Variants in PCDHA5 observed in about 807,000 individuals in gnomAD.
PCDHA5 encodes protocadherin alpha-5.
A neutral mutation model predicts 61.6 loss-of-function variants in PCDHA5; 43 were observed. The observed-to-expected ratio is 0.70, with a 90% confidence interval of 0.55 to 0.90. The LOEUF is 0.90. Among genes scored for constraint, PCDHA5 ranks in the 40% least tolerant of loss-of-function variants. The probability of loss-of-function intolerance (pLI) is 0.00; values close to 1 mark genes in which losing one functional copy is unlikely to be tolerated. For missense variants in PCDHA5, 1,298 were observed against 1,222.7 expected (o/e 1.06, Z -0.92); for synonymous variants, 627 against 543.9 (o/e 1.15, Z -2.13).
chr5:140,998,965 G>C (rs1320225650), intron 3 of PCDHA5, among the ~76,000 whole-genome samples: 1 of 152,232 alleles, frequency 6.6e-6, no homozygotes, highest in Non-Finnish European at 1.5e-5. Context: ...TAATCAAATA[G>C]TATCCTAGAA....
chr5:140,900,226 G>A (rs1048533279), intron 1 of PCDHA5, among the ~76,000 whole-genome samples: 18 of 152,090 alleles, frequency 1.2e-4, no homozygotes, highest in Admixed American at 1.1e-3. Flanking sequence ...GCAAATGACT[G>A]GATCTTGTTT....
chr5:140,850,664 C>T, intron 1 of PCDHA5: 1 of 1,598,396 alleles, frequency 6.3e-7, no homozygotes, highest in Non-Finnish European at 8.6e-7. Context: ...TGCTGCGGTG[C>T]TCGGCGATGC....
At chr5:140,857,289 G>C in intron 1 of PCDHA5, 2 of 1,598,692 alleles carry the variant, frequency 1.3e-6, no homozygotes, top group African/African-American at 1.3e-5. Flanking sequence ...GCTCTGGACC[G>C]CGAGAGGGTG....
At chr5:140,954,653 T>C (rs1467846481) in intron 1 of PCDHA5, among the ~76,000 whole-genome samples, 3 of 152,244 alleles carry the variant, frequency 2.0e-5, no homozygotes, top group Admixed American at 6.5e-5. Flanking sequence ...TTAAGTTCCT[T>C]GTAGACTCTG....
rs1171497178 is a variant in PCDHA5, at chr5:140,993,431, C to A, written c.2500+10868C>A. 2.7e-5 allele frequency among the ~76,000 whole-genome samples: 4 copies of A among 149,406 alleles called. No homozygotes were observed. The Admixed American group carries it at 2.7e-4, about 10-fold the overall frequency. On this transcript the variant is annotated intron_variant, in intron 3 of 3. Coordinates refer to ENST00000529859, the MANE Select transcript of PCDHA5 (RefSeq NM_018908.3). ...TCATCAGCATTTCTCTTTTAAAATC[C>A]TTATTCATTCCTGTTCTCCTTCTTT...
intron 1 of PCDHA5, chr5:140,929,567 A>G (rs566554100): frequency 7.2e-5 from 33 of 456,594 alleles, no homozygotes; most frequent in Admixed American, 1.2e-4. Flanking sequence ...ATTTAAGAAC[A>G]ATAAAAGTAA....
At chr5:140,824,621 T>A (rs536552035) in intron 1 of PCDHA5, 1 of 130,846 alleles carries the variant, frequency 7.6e-6, no homozygotes, top group Non-Finnish European at 1.6e-5. Flanking sequence ...TTTTTTTTTT[T>A]TTTTTTTTTT....
intron 3 of PCDHA5, among the ~76,000 whole-genome samples, chr5:141,000,412 TA>T (rs2097919630): frequency 4.9e-5 from 5 of 102,770 alleles, no homozygotes; most frequent in Non-Finnish European, 5.8e-5. Context: ...TATATATATA[TA>T]TATATATATT....
At chr5:140,953,254 C>A (rs1483553184) in intron 1 of PCDHA5, among the ~76,000 whole-genome samples, 3 of 152,098 alleles carry the variant, frequency 2.0e-5, no homozygotes, top group Non-Finnish European at 2.9e-5. Flanking sequence ...CAGTTTAGTT[C>A]TTTTAGCTTT....
chr5:140,821,859 C>A lies in PCDHA5; in HGVS notation c.84C>A (p.Gly28=). 6.2e-7 allele frequency: 1 copy of A among 1,614,192 alleles called. No homozygotes were observed. Among genetic ancestry groups the A allele is most frequent in the Non-Finnish European group, 8.5e-7 (1 of 1,180,032 alleles). The change falls in exon 1 of 4, where the codon GGC becomes GGA. Residue 28 remains glycine (G), a synonymous_variant. Coordinates refer to ENST00000529859, the MANE Select transcript of PCDHA5 (RefSeq NM_018908.3). ...LLLAYWKAGS[G]QLHYSIPEEA... ...TTGCCTACTGGAAGGCAGGGAGCGG[C>A]CAGCTCCACTACTCGATCCCGGAGG... is the stretch of plus-strand genomic sequence containing the variant.
chr5:140,829,977 G>T (rs2150178993), intron 1 of PCDHA5: 1 of 1,613,860 alleles, frequency 6.2e-7, no homozygotes, highest in Non-Finnish European at 8.5e-7. Context: ...CTGTACACGG[G>T]CGAGATCAGC....
chr5:140,863,670 C>A (rs2048115377), intron 1 of PCDHA5: 1 of 292,680 alleles, frequency 3.4e-6, no homozygotes, highest in Admixed American at 4.6e-5. Context: ...ATTTATTTTG[C>A]TTTTGCTTTT....
chr5:140,853,979 T>A, intron 1 of PCDHA5: 2 of 564,826 alleles, frequency 3.5e-6, no homozygotes, highest in Non-Finnish European at 4.6e-6. Flanking sequence ...TTGAGACCAA[T>A]GTAGTGAGAC....
intron 1 of PCDHA5, chr5:140,969,220 G>A (rs2096308533): frequency 6.2e-7 from 1 of 1,614,084 alleles, no homozygotes; most frequent in African/African-American, 1.3e-5. Flanking sequence ...CAGGACCAGG[G>A]CCTTCGGGAG....
chr5:140,869,309 A>T, intron 1 of PCDHA5: 1 of 1,613,682 alleles, frequency 6.2e-7, no homozygotes, highest in Non-Finnish European at 8.5e-7. Context: ...GTGGCGTCCA[A>T]AACACATGGG....
At chr5:140,979,211 A>G (rs1241898337) in intron 2 of PCDHA5, among the ~76,000 whole-genome samples, 18 of 152,222 alleles carry the variant, frequency 1.2e-4, no homozygotes, top group Admixed American at 7.9e-4. Context: ...GTGCTGGCAT[A>G]TAAGAGTCCT....
chr5:140,878,802 A>T (rs2057733011), intron 1 of PCDHA5, among the ~76,000 whole-genome samples: 1 of 152,224 alleles, frequency 6.6e-6, no homozygotes, highest in Non-Finnish European at 1.5e-5. Context: ...TTTTAAAAAC[A>T]TATGGGGGTC....
intron 1 of PCDHA5, chr5:140,836,314 G>A (rs2150257460): frequency 6.2e-6 from 10 of 1,613,658 alleles, no homozygotes; most frequent in East Asian, 2.2e-5. Context: ...GACGCACCGC[G>A]CCACCGCCTT....
chr5:140,859,671 C>T (rs2045960419), intron 1 of PCDHA5: 1 of 153,888 alleles, frequency 6.5e-6, no homozygotes, highest in Non-Finnish European at 1.4e-5. Context: ...CAAATAGCTT[C>T]AAATAAAATT....
Sources: allele counts gnomAD v4.1 joint callset (sites outside exome capture counted in the v4.1 genomes callset), GRCh38; gene constraint gnomAD v4.1.1; transcripts MANE v1.5; gene names NCBI Gene and HGNC (gene_info 2026-07-23, HGNC 2026-07-21).